NNT: variants seen among roughly 807,000 people sequenced by gnomAD.
NNT encodes the protein nicotinamide nucleotide transhydrogenase.
In NNT, 50 loss-of-function variants were observed where a neutral mutation model predicts 104.8. That is an observed-to-expected ratio of 0.48 (90% confidence interval 0.38 to 0.60). The LOEUF (loss-of-function observed/expected upper bound fraction) is 0.60, where lower values mean the gene tolerates loss of function less well. Ranked by LOEUF, NNT falls within the 20% of genes least tolerant of loss-of-function variation. The pLI is 0.00. For missense variants in NNT, 1,131 were observed against 1,330.7 expected (o/e 0.85, Z 2.33); for synonymous variants, 461 against 490.4 (o/e 0.94, Z 0.79).
chr5:43,685,317 A>G (rs1741926305), intron 19 of NNT, among the ~76,000 whole-genome samples: 1 of 152,198 alleles, frequency 6.6e-6, no homozygotes, highest in Non-Finnish European at 1.5e-5. Flanking sequence ...TTGGGAAGGC[A>G]GAATTCCAAA....
intron 19 of NNT, among the ~76,000 whole-genome samples, chr5:43,690,515 C>T (rs987640408): frequency 1.3e-5 from 2 of 151,974 alleles, no homozygotes; most frequent in Non-Finnish European, 2.9e-5. Context: ...TTTTGGTGTC[C>T]AATATTACTT....
intron 10 of NNT, among the ~76,000 whole-genome samples, chr5:43,647,700 A>C (rs1365527517): frequency 1.3e-5 from 2 of 152,224 alleles, no homozygotes; most frequent in African/African-American, 4.8e-5. Context: ...AGTTTATTGA[A>C]TAGTTGATAA....
In NNT at chr5:43,706,268, C is replaced by T. The variant is rs142465518; in HGVS notation, c.*1864C>T. On this transcript the variant is annotated 3_prime_UTR_variant, in exon 22 of 22. Coordinates refer to ENST00000344920, the MANE Select transcript of NNT (RefSeq NM_182977.3). Reference sequence around the variant, plus strand: ...ATTAATATTCCAAAAGGTTAGTGGACTTAGATTATAAATTATGGCAAAAAT... The same window carrying T: ...ATTAATATTCCAAAAGGTTAGTGGATTTAGATTATAAATTATGGCAAAAAT... 2 of 151,440 alleles carry T rather than the reference C, an allele frequency of 1.3e-5. No individual in the cohort carries two copies. The highest frequency in any genetic ancestry group is 4.8e-5 in the African/African-American group (2 of 41,402). The allele number at this position is 151,440 out of a possible 1,614,324, so 9.4% of individuals were successfully genotyped here. A position where few individuals can be genotyped will look rare whatever the true frequency, so the allele number is the denominator to read the frequency against.
In NNT at chr5:43,609,282, G is replaced by C; in HGVS notation, c.87G>C (p.Lys29Asn). ...NLGSCKGLRV[K>N]KDFLRTFYTH... ...GGTCCTGTAAGGGTCTACGTGTGAA[G>C]AAGGATTTTTTACGAACATTTTATA... is the stretch of plus-strand genomic sequence containing the variant. The change falls in exon 2 of 22, where the codon AAG becomes AAC. Residue 29 changes from lysine to asparagine, a missense_variant. Coordinates refer to ENST00000344920, the MANE Select transcript of NNT (RefSeq NM_182977.3). 2 of 1,614,066 alleles carry C rather than the reference G, an allele frequency of 1.2e-6. No homozygotes were observed. The highest frequency in any genetic ancestry group is 1.7e-6 in the Non-Finnish European group (2 of 1,179,976).
intron 14 of NNT, among the ~76,000 whole-genome samples, chr5:43,655,071 C>G (rs1739965523): frequency 6.6e-6 from 1 of 152,172 alleles, no homozygotes; most frequent in African/African-American, 2.4e-5. Context: ...GGACTTTGCT[C>G]CCACCTACCC....
Position 43,628,238 on chromosome 5 carries a change from A to T in NNT, c.815A>T (p.Glu272Val). The T allele has an allele frequency of 5.0e-6, 8 of 1,613,844 alleles. No individual in the cohort carries two copies. Among genetic ancestry groups the T allele is most frequent in the Non-Finnish European group, 5.9e-6 (7 of 1,179,900 alleles). Reference protein sequence around the residue: ...ALEQFKSLGAEPLEVDLKESG... With the variant: ...ALEQFKSLGAVPLEVDLKESG... The stretch of plus-strand genomic sequence containing the variant: ...GAACAGTTCAAGTCTCTTGGTGCTG[A>T]GCCCTTGGAGGTGGACTTGAAGGAA... Residue 272 changes from glutamate (E) to valine (V), a missense_variant, in exon 7 of 22, where the codon GAG becomes GTG. Coordinates refer to ENST00000344920, the MANE Select transcript of NNT (RefSeq NM_182977.3).
At position 43,616,762 on chromosome 5, in the gene NNT, A is replaced by T. The variant is rs201849486; in HGVS notation, c.599+697A>T. 4.6e-5 allele frequency among the ~76,000 whole-genome samples: 7 copies of T among 152,178 alleles called. No homozygotes were observed. In the East Asian group the frequency reaches 1.3e-3, roughly 29 times the overall value. ...ATCATGCCTGCCATGGGTGAGGGAC[A>T]GGAATAGCTACATGAAAGCAGTGTA... is the stretch of plus-strand genomic sequence containing the variant. On this transcript the variant is annotated intron_variant, in intron 4 of 21. Transcript: ENST00000344920.
intron 19 of NNT, among the ~76,000 whole-genome samples, chr5:43,696,488 A>G (rs1346282993): frequency 6.6e-6 from 1 of 152,182 alleles, no homozygotes; most frequent in Non-Finnish European, 1.5e-5. Context: ...GCAAGCTGTC[A>G]GTGGATCTAC....
rs761310991 is a variant in NNT, at chr5:43,702,703, C to G, written c.3078C>G (p.Gly1026=). Residue 1026 remains glycine (G), a synonymous_variant, in exon 21 of 22, where the codon GGC becomes GGG. Coordinates refer to ENST00000344920, the MANE Select transcript of NNT (RefSeq NM_182977.3). The part of the protein sequence containing the change: ...AQEDPNSIIA[G]MPVLEVWKSK... ...AAGATCCCAACTCTATTATTGCAGG[C>G]ATGCCAGTCCTTGAGGTCTGGAAAT... 1 of 1,612,566 alleles carries G rather than the reference C, an allele frequency of 6.2e-7. No homozygotes were observed. The highest frequency in any genetic ancestry group is 1.3e-5 in the African/African-American group (1 of 74,862).
chr5:43,613,423 T>C, intron 3 of NNT: 3 of 339,332 alleles, frequency 8.8e-6, no homozygotes, highest in Non-Finnish European at 1.6e-5. Flanking sequence ...TTGTTCTACA[T>C]GGTCCATATA....
chr5:43,670,103 T>C (rs992003106), intron 17 of NNT, among the ~76,000 whole-genome samples: 1 of 152,202 alleles, frequency 6.6e-6, no homozygotes, highest in Non-Finnish European at 1.5e-5. Context: ...TGGTAGTTTG[T>C]ATTTCTGTGG....
chr5:43,666,792 G>A lies in NNT; in HGVS notation c.2634+7442G>A, dbSNP rs909008649. The A allele has an allele frequency of 5.8e-5, 76 of 1,299,252 alleles. 1 individual carries two copies. The highest frequency in any genetic ancestry group is 9.0e-5 in the South Asian group (7 of 77,772). 80.5% of individuals were successfully genotyped at this position (1,299,252 alleles called of 1,614,324 possible). A position where few individuals can be genotyped will look rare whatever the true frequency, so the allele number is the denominator to read the frequency against. On this transcript the variant is annotated intron_variant, in intron 17 of 21. Coordinates refer to ENST00000344920, the MANE Select transcript of NNT (RefSeq NM_182977.3). ...ACTCTGAAGGCTTTGTAGGGGCCTCGGTACCTTTGGGAGCCTGAGCTGGAA... is the reference window on the plus strand; with the variant it reads ...ACTCTGAAGGCTTTGTAGGGGCCTCAGTACCTTTGGGAGCCTGAGCTGGAA...
chr5:43,671,633 G>C (rs1741096602), intron 17 of NNT, among the ~76,000 whole-genome samples: 1 of 152,224 alleles, frequency 6.6e-6, no homozygotes, highest in Admixed American at 6.5e-5. Context: ...CTGGCTTGTA[G>C]AGTTTCTGCT....
At chr5:43,651,631 G>A in intron 12 of NNT, 108 bp from the exon 13 acceptor site, 1 of 1,166,748 alleles carries the variant, frequency 8.6e-7, no homozygotes, top group Non-Finnish European at 1.2e-6. Flanking sequence ...TTTGTTCCTA[G>A]GTGATAAAGA....
chr5:43,629,990 A>G (rs1750596327), intron 7 of NNT, among the ~76,000 whole-genome samples: 1 of 151,966 alleles, frequency 6.6e-6, no homozygotes, highest in African/African-American at 2.4e-5. Flanking sequence ...AGTGCCATCT[A>G]TTTGTCTTGG....
At chr5:43,666,765 C>T in intron 17 of NNT, 1 of 1,280,068 alleles carries the variant, frequency 7.8e-7, no homozygotes, top group East Asian at 2.3e-5. Flanking sequence ...GCAGAGATAT[C>T]TACTCTGAAG....
At chr5:43,609,853 G>A (rs1318282443) in intron 2 of NNT, among the ~76,000 whole-genome samples, 1 of 152,148 alleles carries the variant, frequency 6.6e-6, no homozygotes. Context: ...TCTACAAACT[G>A]TCCTCTTCTT....
intron 10 of NNT, among the ~76,000 whole-genome samples, chr5:43,646,489 G>A (rs1166268301): frequency 1.3e-5 from 2 of 151,186 alleles, no homozygotes; most frequent in East Asian, 3.9e-4. Context: ...TGTAGAGACG[G>A]GGCTTCACCG....
rs370273690 is a variant in NNT, at chr5:43,702,652, T to G, written c.3027T>G (p.Asn1009Lys). The stretch of plus-strand genomic sequence containing the variant: ...ATTTGGTCCTTGTAATTGGAGCTAA[T>G]GACACTGTTAATTCAGCAGCTCAAG... ...DTDLVLVIGA[N>K]DTVNSAAQED... Residue 1009 changes from asparagine to lysine, a missense_variant, in exon 21 of 22, where the codon AAT (asparagine) becomes AAG (lysine). Coordinates refer to ENST00000344920, the MANE Select transcript of NNT (RefSeq NM_182977.3). The G allele has an allele frequency of 5.6e-6, 9 of 1,612,770 alleles. No homozygotes were observed. The highest frequency in any genetic ancestry group is 7.6e-6 in the Non-Finnish European group (9 of 1,179,296).
Sources: gnomAD v4.1 joint callset for allele counts (sites outside exome capture counted in the v4.1 genomes callset) on GRCh38, gnomAD v4.1.1 for gene constraint, MANE v1.5 for transcripts, NCBI Gene and HGNC (gene_info 2026-07-23, HGNC 2026-07-21) for gene names.